Variants in SARDH observed in about 807,000 individuals in gnomAD.
The protein encoded by SARDH is sarcosine dehydrogenase.
Under a neutral mutation model 109.1 loss-of-function variants are expected in SARDH, and 95 were observed. That is an observed-to-expected ratio of 0.87 (90% CI 0.74 to 1.03). The LOEUF is 1.03. SARDH is among the 50% of genes least tolerant of loss of function. SARDH has a pLI of 0.00. For missense variants in SARDH, 1,267 were observed against 1,287.8 expected, an observed-to-expected ratio of 0.98 and a Z score of 0.25; for synonymous variants, 572 against 534.8, an observed-to-expected ratio of 1.07 and a Z score of -0.96.
chr9:133,702,913 C>T lies in SARDH; in HGVS notation c.1668+3G>A, dbSNP rs764440837. On this transcript the variant is annotated splice_donor_region_variant and intron_variant, in intron 13 of 20. Coordinates refer to ENST00000439388, the MANE Select transcript of SARDH (RefSeq NM_001134707.2). ...ACCCCCACGGTGGACCCCAGCTACG[C>T]ACCGTGTCGTGGTGGGGCGGGAAGG... 6.2e-7 allele frequency: 1 copy of T among 1,611,224 alleles called. No individual in the cohort carries two copies. Among genetic ancestry groups the T allele is most frequent in the Non-Finnish European group, 8.5e-7 (1 of 1,179,758 alleles).
At chr9:133,717,654 C>T (rs539594874) in intron 7 of SARDH, among the ~76,000 whole-genome samples, 199 bp from the exon 8 acceptor site, 82 of 152,204 alleles carry the variant, frequency 5.4e-4, no homozygotes, top group Middle Eastern at 3.4e-3. Context: ...GCTCCCCCTC[C>T]CCACCCCAGC....
chr9:133,726,042 G>A (rs1170214044), intron 6 of SARDH, among the ~76,000 whole-genome samples: 1 of 152,104 alleles, frequency 6.6e-6, no homozygotes, highest in African/African-American at 2.4e-5. Context: ...ATCGTTGTCA[G>A]GTGGCACATA....
At chr9:133,677,053 T>C (rs1269516589) in intron 17 of SARDH, among the ~76,000 whole-genome samples, 19 of 152,032 alleles carry the variant, frequency 1.2e-4, no homozygotes, top group Non-Finnish European at 2.4e-4. Context: ...GCAGGAGAAT[T>C]GGTTGAACCT....
At chr9:133,688,683 G>A (rs758947032) in intron 16 of SARDH, among the ~76,000 whole-genome samples, 19 of 152,196 alleles carry the variant, frequency 1.2e-4, no homozygotes, top group African/African-American at 4.6e-4. Flanking sequence ...GCCTCAATGC[G>A]TGCCTCAGAC....
In SARDH at chr9:133,692,596, C is replaced by T. The variant is rs914601438; in HGVS notation, c.1921+1662G>A. Among the ~76,000 whole-genome samples, 1 of 152,160 alleles carries T rather than the reference C, an allele frequency of 6.6e-6. No homozygotes were observed. The highest frequency in any genetic ancestry group is 1.5e-5 in the Non-Finnish European group (1 of 68,018). On this transcript the variant is annotated intron_variant, in intron 15 of 20. Transcript: ENST00000439388. This position sits in a 1 kb window ranked among gnomAD's most constrained non-coding sequence, Gnocchi z 5.0. ...TCACATGGCCTTCCCTAACACCTCG[C>T]TCTTTCCCATCCCCTTGCATGTCCC...
Position 133,666,663 on chromosome 9 carries a change from A to C in SARDH, c.2631+72T>G. ...CCTATGCCCGGCACACTCAGGGTGC[A>C]GTGCAGGGAGCTGGTTTGGAGCTGG... On this transcript the variant is annotated intron_variant, in intron 20 of 20. Transcript: ENST00000439388. This position sits in a 1 kb window ranked among gnomAD's most constrained non-coding sequence, Gnocchi z 5.2. The C allele has an allele frequency of 6.5e-7, 1 of 1,538,032 alleles. No homozygotes were observed. The highest frequency in any genetic ancestry group is 1.2e-5 in the South Asian group (1 of 83,382).
At chr9:133,714,514 C>T (rs1433009313) in intron 8 of SARDH, among the ~76,000 whole-genome samples, 1 of 152,212 alleles carries the variant, frequency 6.6e-6, no homozygotes, top group Admixed American at 6.5e-5. Flanking sequence ...TGCAGTGGCT[C>T]ACGCCTGTAA....
chr9:133,675,741 T>C (rs930055047), intron 17 of SARDH, among the ~76,000 whole-genome samples: 3 of 152,244 alleles, frequency 2.0e-5, no homozygotes, highest in African/African-American at 4.8e-5. Context: ...CACACTCATA[T>C]TCACAGGGTT....
chr9:133,702,839 AGCCGAGGGCCG>A, intron 13 of SARDH, 66 bp downstream of exon 13: 1 of 1,374,742 alleles, frequency 7.3e-7, no homozygotes, highest in Non-Finnish European at 1.0e-6. Flanking sequence ...CTGCAGGGCC[AGCCGAGGGCCG>A]GCGCAATGGC....
chr9:133,731,899 G>C (rs1832695760), intron 3 of SARDH, among the ~76,000 whole-genome samples: 1 of 151,722 alleles, frequency 6.6e-6, no homozygotes, highest in Non-Finnish European at 1.5e-5. Flanking sequence ...AGTCAGACCA[G>C]CTGTCAAGAG....
chr9:133,672,849 C>T (rs900510526), intron 17 of SARDH, among the ~76,000 whole-genome samples: 3 of 152,190 alleles, frequency 2.0e-5, no homozygotes, highest in Non-Finnish European at 4.4e-5. Flanking sequence ...AAAGGCCCAG[C>T]GTTGGGCAGC....
chr9:133,718,487 C>G lies in SARDH; in HGVS notation c.1020+451G>C. The stretch of plus-strand genomic sequence containing the variant: ...AAAGCAGTTTTTAGCCCAAAGTAGC[C>G]ACTCAGTCGTTCCATGTGTGGACTA... On this transcript the variant is annotated intron_variant, in intron 7 of 20. Coordinates refer to ENST00000439388, the MANE Select transcript of SARDH (RefSeq NM_001134707.2). This position sits in a 1 kb window ranked among gnomAD's most constrained non-coding sequence, Gnocchi z 4.2. The G allele has an allele frequency of 1.9e-6, 1 of 520,450 alleles. No homozygotes were observed. Among genetic ancestry groups the G allele is most frequent in the South Asian group, 3.1e-5 (1 of 32,348 alleles). 32.2% of individuals were successfully genotyped at this position (520,450 alleles called of 1,614,324 possible). A position where few individuals can be genotyped will look rare whatever the true frequency, so the allele number is the denominator to read the frequency against.
At position 133,693,939 on chromosome 9, in the gene SARDH, C is replaced by T. The variant is rs564820119; in HGVS notation, c.1921+319G>A. Among the ~76,000 whole-genome samples, 10 of 152,316 alleles carry T rather than the reference C, an allele frequency of 6.6e-5. No homozygotes were observed. In the East Asian group the frequency reaches 1.2e-3, roughly 18 times the overall value. ...AGCTGACTGCTTTGAGTGGGAGGCA[C>T]GGCCTAGCATTGGTACGCTTTGTTC... On this transcript the variant is annotated intron_variant, in intron 15 of 20. Coordinates refer to ENST00000439388, the MANE Select transcript of SARDH (RefSeq NM_001134707.2). This position sits in a 1 kb window ranked among gnomAD's most constrained non-coding sequence, Gnocchi z 5.6.
At chr9:133,672,016 A>C (rs944448785) in intron 17 of SARDH, among the ~76,000 whole-genome samples, 2 of 152,226 alleles carry the variant, frequency 1.3e-5, no homozygotes, top group Non-Finnish European at 2.9e-5. Context: ...TGGTGGCTTA[A>C]AACAATAACA....
rs754932173 is a variant in SARDH, at chr9:133,734,082, G to A, written c.92C>T (p.Ala31Val). 7 of 1,613,106 alleles carry A rather than the reference G, an allele frequency of 4.3e-6. No individual in the cohort carries two copies. The South Asian group carries it at 6.6e-5, about 15-fold the overall frequency. ...RGMGPCNLSS[A>V]AGPTAEKSVP... ...ACTCTTCTCGGCTGTGGGGCCAGCT[G>A]CGCTGGACAGGTTGCATGGCCCCAT... The change falls in exon 2 of 21, where the codon GCA becomes GTA. Residue 31 changes from alanine to valine, a missense_variant. Transcript: ENST00000439388.
chr9:133,703,088 C>T, intron 12 of SARDH, 59 bp from the exon 13 acceptor site: 1 of 1,457,162 alleles, frequency 6.9e-7, no homozygotes, highest in Non-Finnish European at 9.4e-7. Context: ...GCTTCCCTCC[C>T]CAGAGCGGGG....
At chr9:133,670,530 G>T in intron 19 of SARDH, 54 bp downstream of exon 19, 1 of 1,530,776 alleles carries the variant, frequency 6.5e-7, no homozygotes, top group South Asian at 1.2e-5. Flanking sequence ...GCGCCTGCCT[G>T]CCCTGGCTGT....
chr9:133,714,651 G>C (rs957891737), intron 8 of SARDH, among the ~76,000 whole-genome samples: 2 of 152,172 alleles, frequency 1.3e-5, no homozygotes, highest in African/African-American at 4.8e-5. Flanking sequence ...GTGGTGGAGC[G>C]AGCCTGTAGT....
intron 5 of SARDH, 23 bp downstream of exon 5, chr9:133,730,032 CACACAGGAG>C (rs1427439573): frequency 1.2e-6 from 2 of 1,612,612 alleles, no homozygotes; most frequent in African/African-American, 2.7e-5. Context: ...CCAGCATGGC[CACACAGGAG>C]TCAGGAGAAA....
Sources: gnomAD v4.1 joint callset for allele counts (sites outside exome capture counted in the v4.1 genomes callset) on GRCh38, gnomAD v4.1.1 for gene constraint, Gnocchi (gnomAD v3.1) non-coding constraint, MANE v1.5 for transcripts, NCBI Gene and HGNC (gene_info 2026-07-23, HGNC 2026-07-21) for gene names.